The following MAP3K1 variants were observed in gnomAD, a reference collection of about 807,000 sequenced individuals.
MAP3K1 encodes mitogen-activated protein kinase kinase kinase 1.
Under a neutral mutation model 144.2 loss-of-function variants are expected in MAP3K1, and 36 were observed. That is an observed-to-expected ratio of 0.25 (90% CI 0.19 to 0.33). The LOEUF (loss-of-function observed/expected upper bound fraction) is 0.33, where lower values mean the gene tolerates loss of function less well. Among genes scored for constraint, MAP3K1 ranks in the 10% least tolerant of loss-of-function variants. The probability of loss-of-function intolerance (pLI) is 1.00; values close to 1 mark genes in which losing one functional copy is unlikely to be tolerated. For synonymous variants in MAP3K1, 718 were observed against 688.7 expected, an observed-to-expected ratio of 1.04 and a Z score of -0.67; for missense variants, 1,650 against 1,881.9, an observed-to-expected ratio of 0.88 and a Z score of 2.28.
At chr5:56,859,526 TTG>T (rs1747439545) in intron 2 of MAP3K1, 187 bp from the exon 3 acceptor site, 1 of 571,304 alleles carries the variant, frequency 1.8e-6, no homozygotes, top group Non-Finnish European at 3.1e-6. Context: ...TGACTGAAAT[TTG>T]TGCAGGTAAA....
chr5:56,865,823 T>C lies in MAP3K1; in HGVS notation c.1153-6T>C, dbSNP rs775038228. On this transcript the variant is annotated splice_region_variant and splice_polypyrimidine_tract_variant and intron_variant, in intron 5 of 19. Coordinates refer to ENST00000399503, the MANE Select transcript of MAP3K1 (RefSeq NM_005921.2). ...TATCATTGTTACTGTCTTTTTCCAA[T>C]GTTAGGTTGAGAGTTTGTTCCAGAA... 3 of 1,613,932 alleles carry C rather than the reference T, an allele frequency of 1.9e-6. No homozygotes were observed. The highest frequency in any genetic ancestry group is 1.1e-5 in the South Asian group (1 of 91,072).
At chr5:56,883,808 A>C in intron 15 of MAP3K1, 129 bp downstream of exon 15, 1 of 994,080 alleles carries the variant, frequency 1.0e-6, no homozygotes, top group Non-Finnish European at 1.6e-6. Flanking sequence ...ACTTAGTTTC[A>C]AAGTAGATGT....
intron 1 of MAP3K1, among the ~76,000 whole-genome samples, chr5:56,847,892 T>C (rs951677330): frequency 1.3e-5 from 2 of 152,198 alleles, no homozygotes; most frequent in Admixed American, 1.3e-4. Context: ...GAGTTACCAG[T>C]AATAATTTAC....
intron 3 of MAP3K1, among the ~76,000 whole-genome samples, chr5:56,860,482 A>T (rs551398666): frequency 1.8e-4 from 27 of 152,324 alleles, no homozygotes; most frequent in African/African-American, 6.3e-4. Context: ...AGTGACCAAC[A>T]AACTATGATT....
intron 11 of MAP3K1, among the ~76,000 whole-genome samples, chr5:56,880,311 A>G (rs1050460140): frequency 2.0e-5 from 3 of 152,192 alleles, no homozygotes; most frequent in Non-Finnish European, 4.4e-5. Context: ...CATTTTGGCT[A>G]TGTAAGGAAA....
chr5:56,862,766 T>G (rs543670397), intron 3 of MAP3K1, among the ~76,000 whole-genome samples: 1 of 99,126 alleles, frequency 1.0e-5, no homozygotes, highest in Admixed American at 9.7e-5. Flanking sequence ...ATAATTGGCT[T>G]TTTTTGTTTG....
rs964719027 is a variant in MAP3K1 at position 56,895,895 on chromosome 5, T to C, written c.*2215T>C. ...TTCACTTTCACAATGAAATTATATTTGCTGTGTGACTATGATTCCTAAGAT... is the reference window on the plus strand; with the variant it reads ...TTCACTTTCACAATGAAATTATATTCGCTGTGTGACTATGATTCCTAAGAT... On this transcript the variant is annotated 3_prime_UTR_variant, in exon 20 of 20. Coordinates refer to ENST00000399503, the MANE Select transcript of MAP3K1 (RefSeq NM_005921.2). The C allele has an allele frequency of 4.3e-6, 1 of 230,332 alleles. No individual in the cohort carries two copies. Among genetic ancestry groups the C allele is most frequent in the Non-Finnish European group, 8.6e-6 (1 of 116,710 alleles). 14.3% of individuals were successfully genotyped at this position (230,332 alleles called of 1,614,324 possible).
chr5:56,889,491 T>TCA (rs2111967317), intron 19 of MAP3K1, among the ~76,000 whole-genome samples: 1 of 152,314 alleles, frequency 6.6e-6, no homozygotes, highest in South Asian at 2.1e-4. Flanking sequence ...TTTTAAAAAT[T>TCA]CACACCCAAG....
intron 2 of MAP3K1, 39 bp from the exon 3 acceptor site, chr5:56,859,675 TA>T: frequency 1.4e-6 from 2 of 1,445,404 alleles, no homozygotes. Flanking sequence ...TTACCTTTTA[TA>T]TTTTTAAGTA....
chr5:56,838,160 G>A (rs764480687), intron 1 of MAP3K1, among the ~76,000 whole-genome samples: 4 of 152,154 alleles, frequency 2.6e-5, no homozygotes, highest in Non-Finnish European at 5.9e-5. Flanking sequence ...GATGAATTGA[G>A]TCAAAGCTGT....
intron 16 of MAP3K1, 46 bp from the exon 17 acceptor site, chr5:56,885,886 T>G (rs768790050): frequency 3.0e-5 from 47 of 1,575,854 alleles, no homozygotes; most frequent in Non-Finnish European, 4.1e-5. Context: ...ATAAATACTT[T>G]TAATTCTGTC....
In MAP3K1 at chr5:56,866,123, T is replaced by C. The variant is rs1747663822; in HGVS notation, c.1301+146T>C. The C allele has an allele frequency of 1.2e-5, 10 of 801,254 alleles. 1 individual carries two copies. The highest frequency in any genetic ancestry group is 3.3e-4 in the Middle Eastern group (1 of 3,070). 49.6% of individuals were successfully genotyped at this position (801,254 alleles called of 1,614,324 possible). ...AAGTTAAAATCAAGGGTGAAGATAC[T>C]AAAAGTTCGCTGGGCATGGTGGCTC... On this transcript the variant is annotated intron_variant, in intron 6 of 19. Coordinates refer to ENST00000399503, the MANE Select transcript of MAP3K1 (RefSeq NM_005921.2).
chr5:56,838,459 AC>A (rs1311248517), intron 1 of MAP3K1, among the ~76,000 whole-genome samples: 1 of 152,238 alleles, frequency 6.6e-6, no homozygotes, highest in Non-Finnish European at 1.5e-5. Flanking sequence ...ATATTTATGA[AC>A]AACTCCAGGA....
At chr5:56,889,889 ACCT>A (rs763846784) in intron 19 of MAP3K1, among the ~76,000 whole-genome samples, 103 of 151,566 alleles carry the variant, frequency 6.8e-4, no homozygotes, top group Middle Eastern at 3.4e-3. Flanking sequence ...TTATTATATA[ACCT>A]CCTCAGTCAC....
At position 56,887,721 on chromosome 5, in the gene MAP3K1, T is replaced by G. The variant is rs1015330060; in HGVS notation, c.4257+201T>G. 7 of 588,492 alleles carry G rather than the reference T, an allele frequency of 1.2e-5. No homozygotes were observed. In the East Asian group the frequency reaches 1.8e-4, roughly 15 times the overall value. 36.5% of individuals were successfully genotyped at this position (588,492 alleles called of 1,614,324 possible). On this transcript the variant is annotated intron_variant, in intron 18 of 19. Coordinates refer to ENST00000399503, the MANE Select transcript of MAP3K1 (RefSeq NM_005921.2). Reference sequence around the variant, plus strand: ...CTTGGCAATATTCAAAAAACAGGTTTTAATAGATTTACTTAACGGCTGTTA... The same window carrying G: ...CTTGGCAATATTCAAAAAACAGGTTGTAATAGATTTACTTAACGGCTGTTA...
At chr5:56,881,482 C>T (rs1748204478) in intron 13 of MAP3K1, 88 bp from the exon 14 acceptor site, 11 of 1,121,160 alleles carry the variant, frequency 9.8e-6, no homozygotes, top group Non-Finnish European at 1.5e-5. Context: ...TTGAAGTATA[C>T]ATGCTGTAAA....
rs1189915065 is a variant in MAP3K1 at position 56,856,765 on chromosome 5, GTT to G, written c.633+16_633+17del. ...GAGGGCCTGTGGTAAGTGGCTATGG[GTT>G]ACCAGTTATAAGGAAGAAAGCATAG... On this transcript the variant is annotated intron_variant, in intron 2 of 19. Coordinates refer to ENST00000399503, the MANE Select transcript of MAP3K1 (RefSeq NM_005921.2). 1.9e-6 allele frequency: 3 copies of G among 1,613,410 alleles called. No individual in the cohort carries two copies. The highest frequency in any genetic ancestry group is 3.3e-5 in the Admixed American group (2 of 59,980).
rs747247827 is a variant in MAP3K1 at position 56,881,097 on chromosome 5, G to T, written c.2194G>T (p.Gly732Cys). The T allele has an allele frequency of 1.6e-5, 26 of 1,611,668 alleles. No homozygotes were observed. The South Asian group carries it at 2.9e-4, about 18-fold the overall frequency. ...EILKAGSIGI[G>C]GVDYVLNCIL... is the part of the protein sequence containing the mutation. ...CCTTTTTGTAGGATCCATTGGTATT[G>T]GTGGTGTTGATTATGTCTTAAATTG... Residue 732 changes from glycine to cysteine, a missense_variant, in exon 13 of 20, where the codon GGT (glycine) becomes TGT (cysteine). This residue lies in a region of MAP3K1 where 841 missense variants were observed against 886.5 expected (regional missense o/e 0.95). Coordinates refer to ENST00000399503, the MANE Select transcript of MAP3K1 (RefSeq NM_005921.2).
chr5:56,844,224 C>T (rs1187378140), intron 1 of MAP3K1, among the ~76,000 whole-genome samples: 1 of 122,572 alleles, frequency 8.2e-6, no homozygotes, highest in Non-Finnish European at 1.6e-5. Context: ...GAGTCTCGCT[C>T]TGTCGCCCAG....
Sources: gnomAD v4.1 joint callset for allele counts (sites outside exome capture counted in the v4.1 genomes callset) on GRCh38, gnomAD v4.1.1 for gene constraint, gnomAD v4.1.1 regional missense constraint, MANE v1.5 for transcripts, NCBI Gene and HGNC (gene_info 2026-07-23, HGNC 2026-07-21) for gene names.